The following RAB1A variants were observed in gnomAD, a reference collection of about 807,000 sequenced individuals.
The protein encoded by RAB1A is RAB1A, member RAS oncogene family, also known as ras-related protein Rab-1A.
A neutral mutation model predicts 26.0 loss-of-function variants in RAB1A; 2 were observed. The ratio of observed to expected loss-of-function variants is 0.08; its 90% confidence interval spans 0.03 to 0.24. RAB1A has a LOEUF of 0.24. RAB1A is among the 10% of genes least tolerant of loss of function. The pLI is 1.00. For synonymous variants in RAB1A, 84 were observed against 84.9 expected (o/e 0.99, Z 0.06); for missense variants, 100 against 247.0 (o/e 0.40, Z 3.99).
At chr2:65,112,361 G>A (rs907614280) in intron 1 of RAB1A, among the ~76,000 whole-genome samples, 1 of 151,866 alleles carries the variant, frequency 6.6e-6, no homozygotes, top group Non-Finnish European at 1.5e-5. Context: ...TGGCCTGGCT[G>A]GTCTCAAACT....
intron 1 of RAB1A, among the ~76,000 whole-genome samples, chr2:65,117,577 T>G (rs945651385): frequency 6.6e-6 from 1 of 152,106 alleles, no homozygotes; most frequent in Non-Finnish European, 1.5e-5. Context: ...ATTCTTTTTT[T>G]TGTGTGTGAG....
Position 65,091,051 on chromosome 2 carries a change from G to A in RAB1A, c.220C>T (p.Arg74Ter), listed in dbSNP as rs1374558705. The change falls in exon 4 of 6, where the codon CGA becomes TGA. Residue 74 changes from arginine to a stop codon, truncating the protein, a stop_gained. Coordinates refer to ENST00000409784, the MANE Select transcript of RAB1A (RefSeq NM_004161.5). LOFTEE classifies it high-confidence loss of function. ...CTGTAATAACTGGAGGTGATTGTTCGAAATCTTTCCTGGCCTGCTGTGTCC... is the reference window on the plus strand; with the variant it reads ...CTGTAATAACTGGAGGTGATTGTTCAAAATCTTTCCTGGCCTGCTGTGTCC... ...IWDTAGQERF[R>*]TITSSYYRGA... 1.9e-6 allele frequency: 3 copies of A among 1,612,958 alleles called. No individual in the cohort carries two copies. The highest frequency in any genetic ancestry group is 1.7e-5 in the Admixed American group (1 of 59,990).
In RAB1A at chr2:65,129,940, A is replaced by ACCGCCG; in HGVS notation, c.-31_-26dup. Reference sequence around the variant, plus strand: ...TGTCACTGCAGCTGCCGCCGCCGCCACCGCCGCCCTTGCTGCCGCAGCCGC... The same window carrying ACCGCCG: ...TGTCACTGCAGCTGCCGCCGCCGCCACCGCCGCCGCCGCCCTTGCTGCCGCAGCCGC... On this transcript the variant is annotated 5_prime_UTR_variant, in exon 1 of 6. Transcript: ENST00000409784. 1 of 1,577,440 alleles carries ACCGCCG rather than the reference A, an allele frequency of 6.3e-7. No homozygotes were observed. The highest frequency in any genetic ancestry group is 8.6e-7 in the Non-Finnish European group (1 of 1,164,350).
intron 2 of RAB1A, among the ~76,000 whole-genome samples, chr2:65,100,688 G>A (rs1294068776): frequency 1.3e-5 from 2 of 151,648 alleles, no homozygotes; most frequent in Non-Finnish European, 2.9e-5. Context: ...GAACCCATGA[G>A]GTGGAGGCTG....
intron 1 of RAB1A, among the ~76,000 whole-genome samples, chr2:65,128,669 G>C (rs752973372): frequency 2.0e-5 from 3 of 152,178 alleles, no homozygotes; most frequent in Non-Finnish European, 2.9e-5. Flanking sequence ...CTGGTGGGTG[G>C]ACCTTTTAGG....
At chr2:65,090,630 T>C (rs907760340) in intron 4 of RAB1A, among the ~76,000 whole-genome samples, 1 of 152,218 alleles carries the variant, frequency 6.6e-6, no homozygotes, top group African/African-American at 2.4e-5. Context: ...CCAGGCCATA[T>C]TCCTGTTAAT....
intron 1 of RAB1A, among the ~76,000 whole-genome samples, chr2:65,120,228 C>T (rs939037897): frequency 5.9e-5 from 9 of 151,828 alleles, no homozygotes; most frequent in African/African-American, 1.5e-4. Context: ...GAGGCCGAGG[C>T]GGGAGGATCA....
At chr2:65,088,803 G>A in intron 5 of RAB1A, 113 bp from the exon 6 acceptor site, 1 of 1,311,868 alleles carries the variant, frequency 7.6e-7, no homozygotes, top group Non-Finnish European at 1.0e-6. Flanking sequence ...GATCCAAACA[G>A]ATGCTACACA....
Position 65,087,138 on chromosome 2 carries a change from A to G in RAB1A, c.*1355T>C, listed in dbSNP as rs1174645471. The G allele has an allele frequency of 1.3e-5, 2 of 152,280 alleles. No individual in the cohort carries two copies. The highest frequency in any genetic ancestry group is 6.5e-5 in the Admixed American group (1 of 15,280). The allele number at this position is 152,280 out of a possible 1,614,324, so 9.4% of individuals were successfully genotyped here. On this transcript the variant is annotated 3_prime_UTR_variant, in exon 6 of 6. Transcript: ENST00000409784. ...GGCTGCTATTTCAACCTAAGGAAACAACGTTTGACCTCAGTCACCTTAAAA... is the reference window on the plus strand; with the variant it reads ...GGCTGCTATTTCAACCTAAGGAAACGACGTTTGACCTCAGTCACCTTAAAA...
At chr2:65,116,010 G>A (rs1417697876) in intron 1 of RAB1A, among the ~76,000 whole-genome samples, 1 of 152,010 alleles carries the variant, frequency 6.6e-6, no homozygotes, top group Non-Finnish European at 1.5e-5. Context: ...ACAAAAATTA[G>A]TTGGGCGTGG....
intron 3 of RAB1A, among the ~76,000 whole-genome samples, chr2:65,092,940 C>CT (rs1171250683): frequency 6.6e-6 from 1 of 152,230 alleles, no homozygotes; most frequent in Admixed American, 6.5e-5. Context: ...CCTTCACTTC[C>CT]TTCACACTCT....
intron 3 of RAB1A, among the ~76,000 whole-genome samples, chr2:65,095,394 A>T (rs537825724): frequency 6.6e-6 from 1 of 152,160 alleles, no homozygotes; most frequent in Non-Finnish European, 1.5e-5. Flanking sequence ...CTGTCCCCAA[A>T]GCTGGGGTGC....
At chr2:65,129,169 A>G (rs1670175393) in intron 1 of RAB1A, among the ~76,000 whole-genome samples, 1 of 150,232 alleles carries the variant, frequency 6.7e-6, no homozygotes, top group South Asian at 2.1e-4. Flanking sequence ...CTTGACCCAC[A>G]GAAGACAAAA....
At chr2:65,106,334 TA>T in intron 1 of RAB1A, 1 of 300,612 alleles carries the variant, frequency 3.3e-6, no homozygotes, top group Non-Finnish European at 6.6e-6. Flanking sequence ...AAAAATATGC[TA>T]AAGTGAAAAC....
chr2:65,098,375 T>G (rs1669338174), intron 2 of RAB1A, among the ~76,000 whole-genome samples: 1 of 152,182 alleles, frequency 6.6e-6, no homozygotes, highest in South Asian at 2.1e-4. Flanking sequence ...TTTACATACA[T>G]CATATAGAAA....
intron 2 of RAB1A, among the ~76,000 whole-genome samples, chr2:65,103,780 AT>A (rs896524935): frequency 6.6e-6 from 1 of 150,478 alleles, no homozygotes; most frequent in Admixed American, 6.6e-5. Flanking sequence ...TTGTTTTTTT[AT>A]TTTTTTTCTT....
At chr2:65,120,632 G>A (rs1415939898) in intron 1 of RAB1A, among the ~76,000 whole-genome samples, 1 of 151,890 alleles carries the variant, frequency 6.6e-6, no homozygotes, top group Non-Finnish European at 1.5e-5. Context: ...GAACAGCCTT[G>A]GTGTGAACTG....
At chr2:65,090,956 G>T in intron 4 of RAB1A, 27 bp downstream of exon 4, 1 of 1,522,434 alleles carries the variant, frequency 6.6e-7, no homozygotes, top group Non-Finnish European at 9.1e-7. Context: ...CTTGGTCACT[G>T]TAACACAATC....
intron 2 of RAB1A, among the ~76,000 whole-genome samples, chr2:65,099,428 T>C (rs1558578698): frequency 6.6e-6 from 1 of 152,190 alleles, no homozygotes; most frequent in Non-Finnish European, 1.5e-5. Flanking sequence ...GCTATCATCA[T>C]ATGAACCACA....
Sources: allele counts gnomAD v4.1 joint callset (sites outside exome capture counted in the v4.1 genomes callset), GRCh38; gene constraint gnomAD v4.1.1; transcripts MANE v1.5; gene names NCBI Gene and HGNC (gene_info 2026-07-23, HGNC 2026-07-21).